The following CDON variants were observed in gnomAD, a reference collection of about 807,000 sequenced individuals.
CDON encodes cell adhesion associated, oncogene regulated.
CDON carries 73 observed loss-of-function variants against 120.9 expected under a neutral mutation model. The ratio of observed to expected loss-of-function variants is 0.60; its 90% CI spans 0.50 to 0.73. The LOEUF (loss-of-function observed/expected upper bound fraction) is 0.73. Among genes scored for constraint, CDON ranks in the 30% least tolerant of loss-of-function variants. The pLI is 0.00. For missense variants in CDON, 1,470 were observed against 1,587.3 expected (o/e 0.93, Z 1.26); for synonymous variants, 566 against 573.5 (o/e 0.99, Z 0.19).
At chr11:125,989,071 GA>G (rs1946551461) in intron 15 of CDON, among the ~76,000 whole-genome samples, 1 of 152,108 alleles carries the variant, frequency 6.6e-6, no homozygotes, top group Admixed American at 6.6e-5. Context: ...AAAGAAAAGG[GA>G]AGGGAGGTGA....
chr11:126,022,000 G>A (rs1035997264), intron 2 of CDON, among the ~76,000 whole-genome samples: 3 of 151,502 alleles, frequency 2.0e-5, no homozygotes, highest in Non-Finnish European at 4.4e-5. Flanking sequence ...TACTCCAGAG[G>A]CTGAGGTGGG....
rs1356718011 is a variant in CDON, at chr11:125,981,122, C to T, written c.3203G>A (p.Gly1068Glu). The part of the protein sequence containing the change: ...NGIVNGSLNG[G>E]LYSGHSNSLT... ...AGAGTTGCTGTGCCCGGAGTAAAGC[C>T]CTCCATTTAGGCTCCCATTCACAAT... Residue 1068 changes from glycine (G) to glutamate (E), a missense_variant, in exon 17 of 20, where the codon GGG becomes GAG. Coordinates refer to ENST00000531738, the MANE Select transcript of CDON (RefSeq NM_001378964.1). 3.7e-6 allele frequency: 6 copies of T among 1,613,976 alleles called. No individual in the cohort carries two copies. Among genetic ancestry groups the T allele is most frequent in the African/African-American group, 1.3e-5 (1 of 74,912 alleles).
chr11:126,045,792 G>A (rs1948391534), intron 1 of CDON, among the ~76,000 whole-genome samples: 1 of 152,060 alleles, frequency 6.6e-6, no homozygotes, highest in Non-Finnish European at 1.5e-5. Flanking sequence ...CCAACACAGA[G>A]AAACCCCATC....
At chr11:126,027,558 C>T (rs1003396325) in intron 1 of CDON, among the ~76,000 whole-genome samples, 4 of 152,130 alleles carry the variant, frequency 2.6e-5, no homozygotes, top group African/African-American at 7.2e-5. Context: ...CCCTACATTG[C>T]TCTGGCAAAT....
At position 125,961,074 on chromosome 11, in the gene CDON, G is replaced by A. The variant is rs1945630069; in HGVS notation, c.3663C>T (p.Ile1221=). The A allele has an allele frequency of 6.2e-7, 1 of 1,613,778 alleles. No individual in the cohort carries two copies. The highest frequency in any genetic ancestry group is 1.1e-5 in the South Asian group (1 of 90,900). Residue 1221 remains isoleucine, a synonymous_variant, in exon 20 of 20, where the codon ATC becomes ATT. Coordinates refer to ENST00000531738, the MANE Select transcript of CDON (RefSeq NM_001378964.1). The part of the protein sequence containing the change: ...GDSCAHSETE[I]NIVSWNALIL... ...TAAGAGCATTCCAACTTACAATGTT[G>A]ATCTCTGTTTCTGAATGGGCACAGC... is the stretch of plus-strand genomic sequence containing the variant.
rs1946819776 is a variant in CDON, at chr11:125,997,342, GAATCCA to G, written c.2221_2226del (p.Trp741_Ile742del). The G allele has an allele frequency of 6.2e-7, 1 of 1,613,998 alleles. No individual in the cohort carries two copies. Among genetic ancestry groups the G allele is most frequent in the Non-Finnish European group, 8.5e-7 (1 of 1,179,934 alleles). Reference sequence around the variant, plus strand: ...ATTGGAGAACCCCCGTTTGCCCGAGGAATCCAAGTGACATAGACTGATGTCTCTGAT... The same window carrying G: ...ATTGGAGAACCCCCGTTTGCCCGAGGAGTGACATAGACTGATGTCTCTGAT... On this transcript the variant is annotated inframe_deletion, in exon 12 of 20. Transcript: ENST00000531738.
chr11:126,000,671 G>GC (rs1315791931), intron 11 of CDON, among the ~76,000 whole-genome samples: 1 of 152,142 alleles, frequency 6.6e-6, no homozygotes, highest in Non-Finnish European at 1.5e-5. Context: ...TACGTAATCT[G>GC]CTTAAGGTAG....
intron 1 of CDON, among the ~76,000 whole-genome samples, chr11:126,052,246 T>C (rs1465103318): frequency 2.6e-5 from 4 of 152,158 alleles, no homozygotes; most frequent in Admixed American, 2.0e-4. Flanking sequence ...ATTTAAAACA[T>C]GGTGACTAGA....
intron 14 of CDON, among the ~76,000 whole-genome samples, chr11:125,990,139 AC>A (rs540027556): frequency 3.5e-4 from 54 of 152,220 alleles, no homozygotes; most frequent in Admixed American, 8.5e-4. Context: ...ATGTTCCCCC[AC>A]CAAAAAGCAA....
chr11:126,062,475 G>GCCCGTCCCCGGGACCT (rs1279213184), intron 1 of CDON, 104 bp downstream of exon 1: 1 of 152,144 alleles, frequency 6.6e-6, no homozygotes, highest in Non-Finnish European at 1.5e-5. Flanking sequence ...ACGCCGGCCC[G>GCCCGTCCCCGGGACCT]CCCGTCCCCG....
At chr11:125,988,604 C>T (rs1193420800) in intron 15 of CDON, among the ~76,000 whole-genome samples, 2 of 152,168 alleles carry the variant, frequency 1.3e-5, no homozygotes, top group African/African-American at 2.4e-5. Context: ...TGTCGTGTTC[C>T]TTGCAGTTGA....
intron 1 of CDON, among the ~76,000 whole-genome samples, chr11:126,026,450 T>C (rs1481654488): frequency 6.6e-6 from 1 of 152,216 alleles, no homozygotes; most frequent in Non-Finnish European, 1.5e-5. Context: ...TGCATTTTCA[T>C]TCATGCAAAG....
At chr11:125,980,763 A>AT (rs1035879626) in intron 17 of CDON, among the ~76,000 whole-genome samples, 1 of 152,206 alleles carries the variant, frequency 6.6e-6, no homozygotes, top group African/African-American at 2.4e-5. Context: ...TGGTATTTCC[A>AT]TTTCATCTAA....
At chr11:126,004,847 C>T (rs2134592399) in intron 9 of CDON, among the ~76,000 whole-genome samples, 1 of 152,272 alleles carries the variant, frequency 6.6e-6, no homozygotes, top group East Asian at 1.9e-4. Context: ...GCATCCCTCC[C>T]ATTTCATTCA....
chr11:125,986,447 A>G (rs1565505771), intron 15 of CDON, among the ~76,000 whole-genome samples: 1 of 152,138 alleles, frequency 6.6e-6, no homozygotes, highest in African/African-American at 2.4e-5. Context: ...AAAAAGAGGA[A>G]AAACCAGGAA....
At chr11:126,054,954 C>G (rs1639609982) in intron 1 of CDON, among the ~76,000 whole-genome samples, 1 of 152,150 alleles carries the variant, frequency 6.6e-6, no homozygotes, top group South Asian at 2.1e-4. Context: ...GAAGGCAAAG[C>G]AGCCGGGATG....
chr11:125,981,938 G>A (rs946748609), intron 16 of CDON, among the ~76,000 whole-genome samples: 2 of 145,256 alleles, frequency 1.4e-5, no homozygotes, highest in African/African-American at 2.6e-5. Context: ...TGGAAGGTGT[G>A]GAGTACCAAA....
chr11:125,983,721 T>A, intron 16 of CDON, 151 bp downstream of exon 16: 1 of 709,450 alleles, frequency 1.4e-6, no homozygotes, highest in South Asian at 1.7e-5. Flanking sequence ...GCTAGAACAG[T>A]TTTAAAGTCA....
At chr11:125,968,435 G>T (rs1458289116) in intron 18 of CDON, among the ~76,000 whole-genome samples, 1 of 152,194 alleles carries the variant, frequency 6.6e-6, no homozygotes, top group Admixed American at 6.5e-5. Flanking sequence ...AGGACTGGAG[G>T]AGCGGGCGAG....
Sources: allele counts gnomAD v4.1 joint callset (sites outside exome capture counted in the v4.1 genomes callset), GRCh38; gene constraint gnomAD v4.1.1; transcripts MANE v1.5; gene names NCBI Gene and HGNC (gene_info 2026-07-23, HGNC 2026-07-21).